Variants in ZNF341 observed in about 807,000 individuals in gnomAD.
The protein encoded by ZNF341 is zinc finger protein 341.
In ZNF341, 52 loss-of-function variants were observed where a neutral mutation model predicts 87.7. The observed-to-expected ratio is 0.59, with a 90% confidence interval of 0.47 to 0.75. The LOEUF (loss-of-function observed/expected upper bound fraction) is 0.75. Among genes scored for constraint, ZNF341 ranks in the 30% least tolerant of loss-of-function variants. The pLI, the probability that ZNF341 is intolerant of heterozygous loss-of-function variation, is 0.00. For synonymous variants in ZNF341, 459 were observed against 472.7 expected (o/e 0.97, Z 0.38); for missense variants, 977 against 1,145.9 (o/e 0.85, Z 2.13).
At chr20:33,754,270 C>T (rs1220735708) in intron 5 of ZNF341, among the ~76,000 whole-genome samples, 1 of 152,174 alleles carries the variant, frequency 6.6e-6, no homozygotes, top group African/African-American at 2.4e-5. Context: ...ATGTACCATA[C>T]TAATTCCCTG....
Position 33,788,911 on chromosome 20 carries a change from A to G in ZNF341, c.1901A>G (p.Lys634Arg), listed in dbSNP as rs1158966511. Reference sequence around the variant, plus strand: ...GTGTGCGAGTCTGCGTTCAACCGCAAGGACAAACTGAAGAGACACATGTTG... The same window carrying G: ...GTGTGCGAGTCTGCGTTCAACCGCAGGGACAAACTGAAGAGACACATGTTG... The part of the protein sequence containing the change: ...CSVCESAFNR[K>R]DKLKRHMLIH... Residue 634 changes from lysine to arginine, a missense_variant, in exon 13 of 15, where the codon AAG (lysine) becomes AGG (arginine). Coordinates refer to ENST00000375200, the MANE Select transcript of ZNF341 (RefSeq NM_001282933.2). 6.2e-7 allele frequency: 1 copy of G among 1,613,954 alleles called. No homozygotes were observed. The highest frequency in any genetic ancestry group is 8.5e-7 in the Non-Finnish European group (1 of 1,180,000).
At chr20:33,733,039 C>G (rs2018607715) in intron 1 of ZNF341, among the ~76,000 whole-genome samples, 1 of 152,084 alleles carries the variant, frequency 6.6e-6, no homozygotes, top group South Asian at 2.1e-4. Flanking sequence ...GAGATCTCAG[C>G]CACTCCCTGC....
Position 33,761,842 on chromosome 20 carries a change from G to T in ZNF341, c.1029-20G>T. 6.8e-7 allele frequency: 1 copy of T among 1,472,040 alleles called. No individual in the cohort carries two copies. The highest frequency in any genetic ancestry group is 1.4e-5 in the South Asian group (1 of 72,126). 91.2% of individuals were successfully genotyped at this position (1,472,040 alleles called of 1,614,324 possible). ...GTCCCCGTTCCTGCAGGAGGGCACT[G>T]ACAAGCTTGTCTTCCACAGCCACAC... On this transcript the variant is annotated intron_variant, in intron 7 of 14. Coordinates refer to ENST00000375200, the MANE Select transcript of ZNF341 (RefSeq NM_001282933.2).
rs1263267728 is a variant in ZNF341, at chr20:33,745,149, C to T, written c.189C>T (p.Asn63=). ...GCGGGAAGTGTAAGAAGCAATTCAACTCGCTGCCAGCGTTTATGACCCACA... is the reference window on the plus strand; with the variant it reads ...GCGGGAAGTGTAAGAAGCAATTCAATTCGCTGCCAGCGTTTATGACCCACA... The part of the protein sequence containing the change: ...FLCGKCKKQF[N]SLPAFMTHKR... Residue 63 remains asparagine (N), a synonymous_variant, in exon 3 of 15, where the codon AAC becomes AAT. Coordinates refer to ENST00000375200, the MANE Select transcript of ZNF341 (RefSeq NM_001282933.2). The T allele has an allele frequency of 3.1e-6, 5 of 1,613,906 alleles. No individual in the cohort carries two copies. Among genetic ancestry groups the T allele is most frequent in the African/African-American group, 1.3e-5 (1 of 74,928 alleles).
At chr20:33,778,636 G>A (rs556123755) in intron 10 of ZNF341, among the ~76,000 whole-genome samples, 1 of 152,234 alleles carries the variant, frequency 6.6e-6, no homozygotes, top group East Asian at 1.9e-4. Flanking sequence ...AGTGCGCCTG[G>A]CTAGTGTGTA....
At chr20:33,788,759 C>T (rs1379854194) in intron 12 of ZNF341, 104 bp from the exon 13 acceptor site, 1 of 855,346 alleles carries the variant, frequency 1.2e-6, no homozygotes, top group East Asian at 2.6e-5. Flanking sequence ...CCCCTGGCCA[C>T]CTCCCTAGAG....
chr20:33,733,133 C>G (rs916699198), intron 1 of ZNF341, among the ~76,000 whole-genome samples: 16 of 150,578 alleles, frequency 1.1e-4, no homozygotes, highest in African/African-American at 3.4e-4. Flanking sequence ...TGCAACCTCC[C>G]CCTCCCAGGT....
rs368551096 is a variant in ZNF341, at chr20:33,791,329, C to G, written c.2377C>G (p.Pro793Ala). 19 of 1,611,840 alleles carry G rather than the reference C, an allele frequency of 1.2e-5. No individual in the cohort carries two copies. In the African/African-American group the frequency reaches 2.0e-4, roughly 17 times the overall value. Residue 793 changes from proline to alanine, a missense_variant, in exon 15 of 15, where the codon CCC becomes GCC. By Grantham distance (27) the Pro-to-Ala change is conservative. Transcript: ENST00000375200. ...LVPEAVPGKP[P>A]FAEPDAVLSI... is the part of the protein sequence containing the mutation. ...GCCCGAGGCTGTCCCCGGCAAGCCG[C>G]CCTTCGCAGAGCCGGACGCGGTGCT...
At chr20:33,782,103 C>A (rs1231250541) in intron 11 of ZNF341, among the ~76,000 whole-genome samples, 1 of 152,162 alleles carries the variant, frequency 6.6e-6, no homozygotes, top group Non-Finnish European at 1.5e-5. Context: ...CCATCATGCC[C>A]AGCCTGGATT....
At chr20:33,779,269 T>C (rs1244208187) in intron 10 of ZNF341, among the ~76,000 whole-genome samples, 1 of 152,034 alleles carries the variant, frequency 6.6e-6, no homozygotes, top group Non-Finnish European at 1.5e-5. Context: ...TCATGAGAAC[T>C]CACTCACTAT....
chr20:33,770,247 G>A lies in ZNF341; in HGVS notation c.1577G>A (p.Ser526Asn), dbSNP rs769586018. 4.9e-5 allele frequency: 70 copies of A among 1,422,120 alleles called. No homozygotes were observed. Among genetic ancestry groups the A allele is most frequent in the Non-Finnish European group, 4.9e-5 (52 of 1,058,632 alleles). 88.1% of individuals were successfully genotyped at this position (1,422,120 alleles called of 1,614,324 possible). A position where few individuals can be genotyped will look rare whatever the true frequency, so the allele number is the denominator to read the frequency against. ...YDLGVHQYSH[S>N]LLPQHSPKKD... Reference sequence around the variant, plus strand: ...CTGGGCGTGCACCAGTACTCCCACAGCCTCCTGCCACAGCACAGCCCCAAG... The same window carrying A: ...CTGGGCGTGCACCAGTACTCCCACAACCTCCTGCCACAGCACAGCCCCAAG... Residue 526 changes from serine to asparagine, a missense_variant, in exon 10 of 15, where the codon AGC (serine) becomes AAC (asparagine). Coordinates refer to ENST00000375200, the MANE Select transcript of ZNF341 (RefSeq NM_001282933.2).
intron 3 of ZNF341, among the ~76,000 whole-genome samples, chr20:33,746,589 G>C (rs2018930106): frequency 6.6e-6 from 1 of 151,956 alleles, no homozygotes; most frequent in South Asian, 2.1e-4. Flanking sequence ...AGCAGAGGAG[G>C]GACATAGTGA....
chr20:33,737,186 CAG>C (rs376917972), intron 1 of ZNF341, among the ~76,000 whole-genome samples: 66 of 152,304 alleles, frequency 4.3e-4, no homozygotes, highest in African/African-American at 1.3e-3. Context: ...TTTATCAAGA[CAG>C]GGGAATTGCG....
In ZNF341 at chr20:33,743,947, G is replaced by C. The variant is rs6059447; in HGVS notation, c.143-1156G>C. ...TTGATAAGAAAACTGTTATATGATA[G>C]GTGTGCCAGAGGAAGGAACTATAGC... On this transcript the variant is annotated intron_variant, in intron 2 of 14. Coordinates refer to ENST00000375200, the MANE Select transcript of ZNF341 (RefSeq NM_001282933.2). Among the ~76,000 whole-genome samples, 345 of 152,326 alleles carry C rather than the reference G, an allele frequency of 2.3e-3. 4 individuals are homozygous for C. The highest frequency in any genetic ancestry group is 8.0e-3 in the African/African-American group (332 of 41,576).
chr20:33,742,581 G>A (rs2018824400), intron 2 of ZNF341, among the ~76,000 whole-genome samples: 1 of 151,770 alleles, frequency 6.6e-6, no homozygotes, highest in Admixed American at 6.6e-5. Context: ...TTCCCAAAGT[G>A]CAGAGATTAC....
At chr20:33,770,318 C>A in intron 10 of ZNF341, 26 bp downstream of exon 10, 1 of 516,050 alleles carries the variant, frequency 1.9e-6, no homozygotes, top group Non-Finnish European at 3.9e-6. Context: ...TTCCCTCTCC[C>A]TGGGTGGACG....
intron 9 of ZNF341, among the ~76,000 whole-genome samples, chr20:33,768,350 T>G (rs2019454074): frequency 6.6e-6 from 1 of 151,828 alleles, no homozygotes; most frequent in African/African-American, 2.4e-5. Flanking sequence ...CCCGAATTCC[T>G]TACCTCAAGT....
intron 10 of ZNF341, among the ~76,000 whole-genome samples, chr20:33,771,181 A>T (rs1336707486): frequency 2.0e-5 from 3 of 152,200 alleles, no homozygotes; most frequent in African/African-American, 7.2e-5. Flanking sequence ...GATCATAAAA[A>T]TAATATTCAT....
At chr20:33,765,744 C>T (rs563590379) in intron 8 of ZNF341, among the ~76,000 whole-genome samples, 5 of 152,154 alleles carry the variant, frequency 3.3e-5, no homozygotes, top group Non-Finnish European at 5.9e-5. Flanking sequence ...AAAGGTTTAA[C>T]CATTTAGCAA....
Sources: gnomAD v4.1 joint callset for allele counts (sites outside exome capture counted in the v4.1 genomes callset) on GRCh38, gnomAD v4.1.1 for gene constraint, MANE v1.5 for transcripts, NCBI Gene and HGNC (gene_info 2026-07-23, HGNC 2026-07-21) for gene names.